TIMELESS: variants seen among roughly 807,000 people sequenced by gnomAD.
TIMELESS encodes the protein timeless circadian regulator, also known as protein timeless homolog.
A neutral mutation model predicts 164.3 loss-of-function variants in TIMELESS; 124 were observed. The observed-to-expected ratio is 0.75, with a 90% confidence interval of 0.65 to 0.88. The LOEUF (loss-of-function observed/expected upper bound fraction) is 0.88. Among genes scored for constraint, TIMELESS ranks in the 40% least tolerant of loss-of-function variants. TIMELESS has a pLI of 0.00. For synonymous variants in TIMELESS, 564 were observed against 563.4 expected, an observed-to-expected ratio of 1.00 and a Z score of -0.02; for missense variants, 1,422 against 1,491.4, an observed-to-expected ratio of 0.95 and a Z score of 0.77.
chr12:56,420,861 A>G lies in TIMELESS; in HGVS notation c.3061T>C (p.Trp1021Arg). Reference protein sequence around the residue: ...HQEGFSIPLLWLQNCLIRAAD... With the variant: ...HQEGFSIPLLRLQNCLIRAAD... ...GCTCGGATCAGGCAGTTCTGGAGCC[A>G]TAGGAGCGGGATAGAAAAGCCTAAG... The change falls in exon 25 of 29, where the codon TGG (tryptophan) becomes CGG (arginine). Residue 1021 changes from tryptophan (W) to arginine (R), a missense_variant. Transcript: ENST00000553532. 6.2e-7 allele frequency: 1 copy of G among 1,614,192 alleles called. No individual in the cohort carries two copies. Among genetic ancestry groups the G allele is most frequent in the Non-Finnish European group, 8.5e-7 (1 of 1,180,034 alleles).
intron 1 of TIMELESS, among the ~76,000 whole-genome samples, chr12:56,443,515 G>A (rs1435707609): frequency 6.6e-6 from 1 of 152,134 alleles, no homozygotes; most frequent in African/African-American, 2.4e-5. Flanking sequence ...ACCCTCATCA[G>A]TAATTCTAAT....
At chr12:56,432,974 A>AG (rs1555177858) in intron 6 of TIMELESS, 52 bp downstream of exon 6, 203,939 of 912,998 alleles carry the variant, frequency 0.22, 19,836 homozygotes, top group African/African-American at 0.25. Context: ...AAAAAAAAAA[A>AG]GGCAGCTCAA....
In TIMELESS at chr12:56,424,718, T is replaced by A. The variant is rs1165014597; in HGVS notation, c.1868+44A>T. ...ACACTGTACCGCAGTGATGGCCTCC[T>A]CCTTCCCCCAAAGCCCAAGAGGATG... On this transcript the variant is annotated intron_variant, in intron 15 of 28. Coordinates refer to ENST00000553532, the MANE Select transcript of TIMELESS (RefSeq NM_003920.5). 1.9e-6 allele frequency: 3 copies of A among 1,599,774 alleles called. No individual in the cohort carries two copies. In the East Asian group the frequency reaches 6.7e-5, roughly 36 times the overall value.
intron 6 of TIMELESS, 53 bp downstream of exon 6, chr12:56,432,973 A>AAG (rs1555177857): frequency 4.1e-4 from 499 of 1,227,668 alleles, no homozygotes; most frequent in Non-Finnish European, 4.8e-4. Context: ...AAAAAAAAAA[A>AAG]AGGCAGCTCA....
intron 1 of TIMELESS, among the ~76,000 whole-genome samples, chr12:56,441,727 G>C (rs1035918696): frequency 4.6e-5 from 7 of 151,772 alleles, no homozygotes; most frequent in Non-Finnish European, 8.8e-5. Context: ...AATGCTTAGG[G>C]AGAACCTTCC....
Position 56,425,086 on chromosome 12 carries a change from C to A in TIMELESS, c.1645G>T (p.Val549Phe), listed in dbSNP as rs770024413. 6.2e-7 allele frequency: 1 copy of A among 1,614,080 alleles called. No individual in the cohort carries two copies. The highest frequency in any genetic ancestry group is 1.3e-5 in the African/African-American group (1 of 74,954). Reference protein sequence around the residue: ...VLDQAIVSGNVPSSPEEVEAV... With the variant: ...VLDQAIVSGNFPSSPEEVEAV... ...TCCACTTCTTCTGGGCTAGATGGGA[C>A]ATTACCAGAAACAATGGCCTGGTCT... Residue 549 changes from valine (V) to phenylalanine (F), a missense_variant, in exon 14 of 29, where the codon GTC becomes TTC. Coordinates refer to ENST00000553532, the MANE Select transcript of TIMELESS (RefSeq NM_003920.5).
intron 1 of TIMELESS, among the ~76,000 whole-genome samples, chr12:56,437,267 G>T (rs977693371): frequency 1.3e-5 from 2 of 152,052 alleles, no homozygotes; most frequent in Non-Finnish European, 2.9e-5. Context: ...TGAATCAACA[G>T]ATTATCCTGG....
At chr12:56,431,372 A>C (rs1443929395) in intron 8 of TIMELESS, 99 bp downstream of exon 8, 23 of 1,358,576 alleles carry the variant, frequency 1.7e-5, no homozygotes, top group Middle Eastern at 2.4e-4. Context: ...AAAAAAAAAA[A>C]CACTAAAATG....
At chr12:56,429,692 T>G (rs1881807837) in intron 10 of TIMELESS, among the ~76,000 whole-genome samples, 1 of 150,666 alleles carries the variant, frequency 6.6e-6, no homozygotes, top group Admixed American at 6.6e-5. Flanking sequence ...TGTATTTTTT[T>G]TTTTAGTAGA....
intron 1 of TIMELESS, among the ~76,000 whole-genome samples, chr12:56,438,434 T>C (rs1232175108): frequency 3.3e-5 from 5 of 151,870 alleles, no homozygotes; most frequent in Non-Finnish European, 5.9e-5. Flanking sequence ...CAAGTGATCC[T>C]CCTGCCTCCT....
At chr12:56,432,605 G>C in intron 6 of TIMELESS, 81 bp from the exon 7 acceptor site, 1 of 1,543,700 alleles carries the variant, frequency 6.5e-7, no homozygotes, top group Admixed American at 1.8e-5. Context: ...CTCATTCTTT[G>C]ACCAAGCCTC....
intron 1 of TIMELESS, among the ~76,000 whole-genome samples, chr12:56,447,221 G>T (rs936913129): frequency 8.4e-6 from 1 of 118,386 alleles, no homozygotes; most frequent in African/African-American, 3.1e-5. Context: ...GTAGAGATAG[G>T]AATTCTTATT....
intron 1 of TIMELESS, among the ~76,000 whole-genome samples, chr12:56,439,048 C>A (rs1029119729): frequency 6.6e-6 from 1 of 151,376 alleles, no homozygotes; most frequent in African/African-American, 2.4e-5. Context: ...CGCCTGTAAT[C>A]CCAGCTACTC....
chr12:56,430,980 A>G lies in TIMELESS; in HGVS notation c.822-12T>C. 1.3e-6 allele frequency: 2 copies of G among 1,557,830 alleles called. No homozygotes were observed. Among genetic ancestry groups the G allele is most frequent in the South Asian group, 1.2e-5 (1 of 84,244 alleles). On this transcript the variant is annotated splice_polypyrimidine_tract_variant and intron_variant, in intron 8 of 28. Transcript: ENST00000553532. ...CAAATCGAGAATGCCTGCAGAAACA[A>G]AAAGGTCCAAGGTGATTTTTCAGTT...
intron 10 of TIMELESS, among the ~76,000 whole-genome samples, chr12:56,429,718 T>C (rs1356985236): frequency 6.7e-6 from 1 of 149,150 alleles, no homozygotes; most frequent in African/African-American, 2.5e-5. Flanking sequence ...GGTTTCACCA[T>C]ATTGGCCAGG....
chr12:56,433,798 T>A lies in TIMELESS; in HGVS notation c.226A>T (p.Lys76Ter), dbSNP rs949574009. ...LPILTQHHQD[K>*]PLFDAVIRLM... Reference sequence around the variant, plus strand: ...CTGATAACAGCATCAAAGAGAGGCTTGTCCTGGTGGTGCTGGGTGAGGATG... The same window carrying A: ...CTGATAACAGCATCAAAGAGAGGCTAGTCCTGGTGGTGCTGGGTGAGGATG... Residue 76 changes from lysine (K) to a stop codon, truncating the protein, a stop_gained, in exon 3 of 29, where the codon AAG becomes TAG. Transcript: ENST00000553532. LOFTEE classifies it high-confidence loss of function. 6.2e-7 allele frequency: 1 copy of A among 1,614,084 alleles called. No individual in the cohort carries two copies. The highest frequency in any genetic ancestry group is 2.2e-5 in the East Asian group (1 of 44,900).
At chr12:56,432,682 C>T (rs1277692374) in intron 6 of TIMELESS, among the ~76,000 whole-genome samples, 158 bp from the exon 7 acceptor site, 2 of 152,164 alleles carry the variant, frequency 1.3e-5, no homozygotes, top group East Asian at 1.9e-4. Context: ...CGGTGGCTCA[C>T]GCCTGTAATC....
chr12:56,417,854 G>C, intron 28 of TIMELESS, 53 bp downstream of exon 28: 6 of 1,613,490 alleles, frequency 3.7e-6, no homozygotes, highest in Non-Finnish European at 4.2e-6. Context: ...GGACGTGGTA[G>C]AGTTTGTCTT....
chr12:56,422,252 G>C (rs1273788696), intron 19 of TIMELESS, 61 bp from the exon 20 acceptor site: 8 of 1,466,840 alleles, frequency 5.5e-6, no homozygotes, highest in Admixed American at 1.7e-5. Context: ...GGAGACCAAA[G>C]GCCTTCTCTG....
Sources: allele counts gnomAD v4.1 joint callset (sites outside exome capture counted in the v4.1 genomes callset), GRCh38; gene constraint gnomAD v4.1.1; transcripts MANE v1.5; gene names NCBI Gene and HGNC (gene_info 2026-07-23, HGNC 2026-07-21).